Variants in CNTN4 observed in about 807,000 individuals in gnomAD.
The protein encoded by CNTN4 is contactin-4.
A neutral mutation model predicts 122.5 loss-of-function variants in CNTN4; 77 were observed. The observed-to-expected ratio is 0.63, with a 90% CI of 0.52 to 0.76. CNTN4 has a LOEUF of 0.76. CNTN4 is among the 30% of genes least tolerant of loss of function. CNTN4 has a pLI of 0.00. For synonymous variants in CNTN4, 512 were observed against 447.0 expected (o/e 1.15, Z -1.83); for missense variants, 1,256 against 1,259.1 (o/e 1.00, Z 0.04).
chr3:2,796,979 T>G (rs980125344), intron 6 of CNTN4, among the ~76,000 whole-genome samples: 19 of 152,182 alleles, frequency 1.2e-4, no homozygotes, highest in Admixed American at 5.9e-4. Context: ...TGGTGAATTC[T>G]GCTCCTGCCC....
chr3:2,362,102 C>T (rs1694125169), intron 3 of CNTN4, among the ~76,000 whole-genome samples: 1 of 152,188 alleles, frequency 6.6e-6, no homozygotes, highest in African/African-American at 2.4e-5. Context: ...ATTCAAAAAA[C>T]TGTAAGGAAC....
chr3:2,289,775 T>C (rs1851612), intron 2 of CNTN4, among the ~76,000 whole-genome samples: 78,430 of 152,024 alleles, frequency 0.52, 20,578 homozygotes, highest in South Asian at 0.62. Context: ...GGTTTTGATC[T>C]CTTTCTAATT....
chr3:3,019,554 C>A (rs1698080092), intron 14 of CNTN4, among the ~76,000 whole-genome samples: 1 of 151,820 alleles, frequency 6.6e-6, no homozygotes, highest in Admixed American at 6.6e-5. Context: ...CTCAGCCTCC[C>A]AAAGTGCTAG....
chr3:2,214,424 A>T (rs916063647), intron 2 of CNTN4, among the ~76,000 whole-genome samples: 3 of 152,148 alleles, frequency 2.0e-5, no homozygotes, highest in African/African-American at 7.2e-5. Flanking sequence ...CGTGTATTTA[A>T]TATTGAGTTT....
intron 8 of CNTN4, among the ~76,000 whole-genome samples, chr3:2,867,925 G>A (rs368538868): frequency 1.3e-5 from 2 of 152,186 alleles, no homozygotes; most frequent in African/African-American, 2.4e-5. Context: ...CTGGTACATC[G>A]AAGATTCTCA....
chr3:2,349,519 T>A (rs2150426455), intron 3 of CNTN4, among the ~76,000 whole-genome samples: 1 of 152,288 alleles, frequency 6.6e-6, no homozygotes, highest in African/African-American at 2.4e-5. Context: ...CTCCATGATT[T>A]CAGCAACACA....
intron 4 of CNTN4, among the ~76,000 whole-genome samples, chr3:2,577,449 A>T (rs2079744723): frequency 6.6e-6 from 1 of 152,020 alleles, no homozygotes; most frequent in Admixed American, 6.6e-5. Context: ...AGGGAGTTTT[A>T]CTCTTTTTAG....
At chr3:2,509,472 A>G (rs899023901) in intron 3 of CNTN4, among the ~76,000 whole-genome samples, 1 of 152,248 alleles carries the variant, frequency 6.6e-6, no homozygotes, top group Non-Finnish European at 1.5e-5. Context: ...TCAAAAATGT[A>G]TAATTGCCTT....
At chr3:2,904,255 GCT>G (rs1362907873) in intron 12 of CNTN4, among the ~76,000 whole-genome samples, 1 of 152,174 alleles carries the variant, frequency 6.6e-6, no homozygotes, top group African/African-American at 2.4e-5. Flanking sequence ...TAATTCACGT[GCT>G]CTGATAAATT....
intron 14 of CNTN4, among the ~76,000 whole-genome samples, chr3:3,025,519 A>C (rs865951321): frequency 1.3e-5 from 2 of 152,270 alleles, no homozygotes; most frequent in Middle Eastern, 3.4e-3. Context: ...GTGTAAAACA[A>C]AACAACTGAA....
intron 4 of CNTN4, among the ~76,000 whole-genome samples, chr3:2,726,615 A>C (rs879742802): frequency 6.6e-6 from 1 of 152,202 alleles, no homozygotes; most frequent in Non-Finnish European, 1.5e-5. Flanking sequence ...AAGCCAATCA[A>C]TTTTATACAT....
chr3:2,894,819 A>G (rs1214341828), intron 10 of CNTN4, among the ~76,000 whole-genome samples: 2 of 152,184 alleles, frequency 1.3e-5, no homozygotes, highest in African/African-American at 2.4e-5. Flanking sequence ...GAAAATCCAC[A>G]TATTGCTGAT....
chr3:2,671,465 A>G (rs138327185), intron 4 of CNTN4, among the ~76,000 whole-genome samples: 35 of 152,094 alleles, frequency 2.3e-4, no homozygotes, highest in Non-Finnish European at 4.9e-4. Context: ...ACTTCCCTTC[A>G]TTGGTTATTC....
chr3:2,125,317 A>T (rs888615102), intron 2 of CNTN4, among the ~76,000 whole-genome samples: 2 of 120,960 alleles, frequency 1.7e-5, no homozygotes, highest in African/African-American at 5.8e-5. Flanking sequence ...AAGGCTGAGT[A>T]ACATTCTATT....
intron 4 of CNTN4, among the ~76,000 whole-genome samples, chr3:2,718,207 A>G (rs2087618056): frequency 6.6e-6 from 1 of 151,992 alleles, no homozygotes; most frequent in Middle Eastern, 3.4e-3. Flanking sequence ...AGCCTCATAT[A>G]TATTATCACC....
chr3:2,801,680 A>G (rs1297467381), intron 6 of CNTN4, among the ~76,000 whole-genome samples: 5 of 150,000 alleles, frequency 3.3e-5, no homozygotes, highest in African/African-American at 1.3e-4. Context: ...ATTTCATGGC[A>G]TGTCTACTCT....
chr3:2,579,019 T>C (rs1245992561), intron 4 of CNTN4, among the ~76,000 whole-genome samples: 2 of 152,216 alleles, frequency 1.3e-5, no homozygotes. Context: ...ATAGAGGAAC[T>C]GGCAGCGATT....
intron 2 of CNTN4, among the ~76,000 whole-genome samples, chr3:2,292,687 T>G (rs926682008): frequency 1.3e-5 from 2 of 152,220 alleles, no homozygotes; most frequent in African/African-American, 4.8e-5. Context: ...TACTCTTCTT[T>G]GCCTTCTTTT....
intron 3 of CNTN4, among the ~76,000 whole-genome samples, chr3:2,444,020 C>A (rs1421713903): frequency 2.6e-5 from 4 of 152,036 alleles, no homozygotes; most frequent in South Asian, 2.1e-4. Flanking sequence ...TAGCCCCAGC[C>A]ACCTTAATTT....
Sources: allele counts gnomAD v4.1 joint callset (sites outside exome capture counted in the v4.1 genomes callset), GRCh38; gene constraint gnomAD v4.1.1; transcripts MANE v1.5; gene names NCBI Gene and HGNC (gene_info 2026-07-23, HGNC 2026-07-21).